Variants in MANBA observed in about 807,000 individuals in gnomAD.
MANBA encodes mannosidase beta.
MANBA carries 83 observed loss-of-function variants against 111.1 expected under a neutral mutation model. The ratio of observed to expected loss-of-function variants is 0.75; its 90% CI spans 0.63 to 0.90. MANBA has a LOEUF of 0.90. MANBA is among the 40% of genes least tolerant of loss of function. MANBA has a pLI of 0.00. For missense variants in MANBA, 1,036 were observed against 1,069.0 expected, an observed-to-expected ratio of 0.97 and a Z score of 0.43; for synonymous variants, 370 against 378.7, an observed-to-expected ratio of 0.98 and a Z score of 0.27.
intron 13 of MANBA, among the ~76,000 whole-genome samples, chr4:102,645,807 G>T (rs1730078517): frequency 6.6e-6 from 1 of 151,870 alleles, no homozygotes; most frequent in Non-Finnish European, 1.5e-5. Context: ...CAATTTTGTT[G>T]ATCTATTCAA....
chr4:102,713,736 A>C (rs1722184968), intron 5 of MANBA, among the ~76,000 whole-genome samples: 1 of 151,992 alleles, frequency 6.6e-6, no homozygotes. Flanking sequence ...ATCTCTACTA[A>C]AAATACAAAA....
intron 1 of MANBA, among the ~76,000 whole-genome samples, chr4:102,735,779 C>T (rs1004282536): frequency 6.6e-6 from 1 of 152,192 alleles, no homozygotes; most frequent in Admixed American, 6.5e-5. Context: ...TACTATACAT[C>T]AGCCTCTAAA....
intron 4 of MANBA, among the ~76,000 whole-genome samples, chr4:102,717,178 G>A (rs1722373474): frequency 6.6e-6 from 1 of 152,128 alleles, no homozygotes; most frequent in Admixed American, 6.5e-5. Context: ...TGCCTTCTAT[G>A]TTTCAGGCTG....
chr4:102,685,501 C>T (rs115753278), intron 7 of MANBA, among the ~76,000 whole-genome samples: 2,962 of 152,022 alleles, frequency 0.019, 47 homozygotes, highest in African/African-American at 0.046. Context: ...TGTTATCTTT[C>T]ACCACTATTA....
At chr4:102,706,632 T>C (rs933086595) in intron 5 of MANBA, among the ~76,000 whole-genome samples, 2 of 151,730 alleles carry the variant, frequency 1.3e-5, no homozygotes, top group African/African-American at 4.8e-5. Flanking sequence ...AAATCCCATA[T>C]AAAGAATTCA....
At chr4:102,756,304 A>T (rs1177358363) in intron 1 of MANBA, among the ~76,000 whole-genome samples, 1 of 152,218 alleles carries the variant, frequency 6.6e-6, no homozygotes, top group Non-Finnish European at 1.5e-5. Flanking sequence ...ATAAAAAAGG[A>T]TGAGTTCATG....
chr4:102,673,986 GA>G lies in MANBA; in HGVS notation c.1044del (p.Ile350TyrfsTer3). 1 of 1,608,474 alleles carries G rather than the reference GA, an allele frequency of 6.2e-7. No homozygotes were observed. Among genetic ancestry groups the G allele is most frequent in the Non-Finnish European group, 8.5e-7 (1 of 1,174,952 alleles). ...CAGTTTGAGCCTTTTAGAAATATGG[GA>G]AATCCATTAATTTTGAAATAGAAAC... is the stretch of plus-strand genomic sequence containing the variant. ...GLSFYFKING[F>X]PIFLKGSNWI... On this transcript the variant is annotated frameshift_variant, in exon 8 of 17. Transcript: ENST00000647097. LOFTEE classifies it high-confidence loss of function.
intron 4 of MANBA, 104 bp from the exon 5 acceptor site, chr4:102,714,665 T>C (rs1428852457): frequency 1.4e-5 from 16 of 1,133,186 alleles, no homozygotes; most frequent in Middle Eastern, 2.5e-4. Flanking sequence ...TATATAAGTT[T>C]GCTATGGCAG....
chr4:102,747,380 G>A (rs1265497870), intron 1 of MANBA, among the ~76,000 whole-genome samples: 1 of 152,146 alleles, frequency 6.6e-6, no homozygotes, highest in Non-Finnish European at 1.5e-5. Flanking sequence ...TCTTCTGCCT[G>A]CTTTTTATTC....
chr4:102,670,146 C>A (rs1731425283), intron 9 of MANBA, among the ~76,000 whole-genome samples: 1 of 134,950 alleles, frequency 7.4e-6, no homozygotes. Context: ...CAGAGCCAGA[C>A]TCCATATCAA....
intron 1 of MANBA, among the ~76,000 whole-genome samples, chr4:102,748,005 G>C (rs972298821): frequency 1.3e-5 from 2 of 152,170 alleles, no homozygotes; most frequent in Admixed American, 6.5e-5. Context: ...CAGATTCCTA[G>C]CTGATAGGAA....
chr4:102,689,776 C>T (rs1732394729), intron 6 of MANBA, 92 bp from the exon 7 acceptor site: 2 of 777,430 alleles, frequency 2.6e-6, no homozygotes, highest in Admixed American at 1.8e-5. Flanking sequence ...TAGTCAAGTA[C>T]AAAACTCTAG....
intron 15 of MANBA, 142 bp from the exon 16 acceptor site, chr4:102,635,187 C>A (rs181936355): frequency 3.6e-6 from 3 of 823,874 alleles, no homozygotes; most frequent in East Asian, 2.7e-5. Flanking sequence ...CCCAGTCCTG[C>A]AAAATACTAG....
intron 1 of MANBA, among the ~76,000 whole-genome samples, chr4:102,740,732 T>G (rs1723371970): frequency 6.6e-6 from 1 of 152,152 alleles, no homozygotes. Flanking sequence ...CTGGGATAAT[T>G]GGCAAGACAC....
chr4:102,709,319 GA>G (rs1560788733), intron 5 of MANBA, among the ~76,000 whole-genome samples: 4 of 93,036 alleles, frequency 4.3e-5, no homozygotes, highest in Admixed American at 1.2e-4. Flanking sequence ...AGGAAGAAAA[GA>G]AAAGAAAAAG....
chr4:102,672,679 G>A (rs1731545435), intron 8 of MANBA, among the ~76,000 whole-genome samples: 1 of 152,228 alleles, frequency 6.6e-6, no homozygotes, highest in South Asian at 2.1e-4. Context: ...TGGTGAGCAA[G>A]CATTACTACC....
chr4:102,687,283 A>G (rs768226653), intron 7 of MANBA, among the ~76,000 whole-genome samples: 147 of 152,264 alleles, frequency 9.7e-4, no homozygotes, highest in Non-Finnish European at 2.0e-3. Flanking sequence ...TCACCACCAC[A>G]GTCTTCTAAC....
chr4:102,711,494 A>AT (rs1242054469), intron 5 of MANBA, among the ~76,000 whole-genome samples: 1 of 152,198 alleles, frequency 6.6e-6, no homozygotes, highest in Non-Finnish European at 1.5e-5. Flanking sequence ...AAGAGGAAAC[A>AT]TTTATACACG....
chr4:102,701,785 C>T (rs1462710659), intron 5 of MANBA, among the ~76,000 whole-genome samples: 1 of 151,830 alleles, frequency 6.6e-6, no homozygotes, highest in Non-Finnish European at 1.5e-5. Context: ...CTCTGGCTGC[C>T]CTTAACATTT....
Sources: allele counts gnomAD v4.1 joint callset (sites outside exome capture counted in the v4.1 genomes callset), GRCh38; gene constraint gnomAD v4.1.1; transcripts MANE v1.5; gene names NCBI Gene and HGNC (gene_info 2026-07-23, HGNC 2026-07-21).